The following MYO5B variants were observed in gnomAD, a reference collection of about 807,000 sequenced individuals.
The protein encoded by MYO5B is unconventional myosin-Vb.
In MYO5B, 143 loss-of-function variants were observed where a neutral mutation model predicts 229.3. That is an observed-to-expected ratio of 0.62 (90% CI 0.54 to 0.72). MYO5B has a LOEUF of 0.72. MYO5B is among the 30% of genes least tolerant of loss of function. MYO5B has a pLI of 0.00. For missense variants in MYO5B, 2,321 were observed against 2,331.0 expected (o/e 1.00, Z 0.09); for synonymous variants, 918 against 885.2 (o/e 1.04, Z -0.66).
intron 9 of MYO5B, among the ~76,000 whole-genome samples, chr18:49,979,749 T>C (rs1405666967): frequency 2.0e-5 from 3 of 152,202 alleles, no homozygotes; most frequent in Admixed American, 2.0e-4. Context: ...CAGTTGCAGA[T>C]TCACCTATCC....
intron 22 of MYO5B, among the ~76,000 whole-genome samples, chr18:49,886,838 C>T (rs1017592422): frequency 3.3e-5 from 5 of 152,114 alleles, no homozygotes; most frequent in Non-Finnish European, 7.3e-5. Context: ...TGACACAGGG[C>T]AAGGCTGTCA....
intron 22 of MYO5B, among the ~76,000 whole-genome samples, chr18:49,883,844 A>C (rs2024615256): frequency 6.6e-6 from 1 of 152,234 alleles, no homozygotes; most frequent in Non-Finnish European, 1.5e-5. Context: ...CAACCGTGCC[A>C]AAACAATTCA....
chr18:49,959,424 C>T (rs1448695851), intron 12 of MYO5B, among the ~76,000 whole-genome samples: 3 of 152,194 alleles, frequency 2.0e-5, no homozygotes, highest in Admixed American at 2.0e-4. Context: ...CCTTTGGGGC[C>T]ACTTCTTAAG....
At chr18:49,953,432 GAA>G in intron 13 of MYO5B, 89 bp from the exon 14 acceptor site, 1 of 1,161,708 alleles carries the variant, frequency 8.6e-7, no homozygotes, top group Non-Finnish European at 1.3e-6. Context: ...AGCATTTTCT[GAA>G]AAGAGCTGTG....
intron 1 of MYO5B, among the ~76,000 whole-genome samples, chr18:50,138,607 C>T (rs1010596635): frequency 2.0e-5 from 3 of 151,252 alleles, no homozygotes; most frequent in Non-Finnish European, 4.4e-5. Flanking sequence ...TCATGCTAAA[C>T]CACAGTGAAA....
chr18:50,182,210 G>A (rs2033082849), intron 1 of MYO5B, among the ~76,000 whole-genome samples: 1 of 152,174 alleles, frequency 6.6e-6, no homozygotes, highest in African/African-American at 2.4e-5. Context: ...CTAGGTGAGA[G>A]AAGAAAACAA....
At chr18:49,907,547 A>G (rs12457444) in intron 18 of MYO5B, among the ~76,000 whole-genome samples, 18,829 of 152,276 alleles carry the variant, frequency 0.12, 1,427 homozygotes, top group East Asian at 0.29. Context: ...ATCAACTGCC[A>G]TCTCATTTTG....
intron 9 of MYO5B, among the ~76,000 whole-genome samples, chr18:49,977,904 A>T (rs12455767): frequency 0.57 from 86,671 of 152,074 alleles, 27,426 homozygotes; most frequent in Admixed American, 0.7. Context: ...CACACTTTAC[A>T]GAAGAGGAAA....
At chr18:49,904,855 G>A in intron 19 of MYO5B, 27 bp from the exon 20 acceptor site, 1 of 1,611,634 alleles carries the variant, frequency 6.2e-7, no homozygotes. Context: ...AACAGGCAGT[G>A]TCAGGGAGAG....
chr18:50,194,184 T>A (rs1448992311), intron 1 of MYO5B, among the ~76,000 whole-genome samples: 1 of 152,108 alleles, frequency 6.6e-6, no homozygotes, highest in Non-Finnish European at 1.5e-5. Context: ...CCTCACTCCA[T>A]CCAGCCGCCG....
chr18:49,850,296 C>T (rs1402004561), intron 31 of MYO5B: 1 of 159,260 alleles, frequency 6.3e-6, no homozygotes, highest in Admixed American at 6.0e-5. Context: ...GAGCCCTGCT[C>T]CATCCACCAC....
At chr18:49,954,232 T>G in intron 13 of MYO5B, 81 bp downstream of exon 13, 1 of 1,586,864 alleles carries the variant, frequency 6.3e-7, no homozygotes, top group Non-Finnish European at 8.6e-7. Context: ...AAGGGACAGA[T>G]TTCTCTCTAG....
At chr18:50,136,250 C>T (rs557944240) in intron 1 of MYO5B, among the ~76,000 whole-genome samples, 10 of 152,238 alleles carry the variant, frequency 6.6e-5, no homozygotes, top group Admixed American at 3.9e-4. Context: ...ACTAGAGGAA[C>T]GCTTTCAACT....
chr18:49,909,381 G>C (rs541363548), intron 18 of MYO5B, among the ~76,000 whole-genome samples: 1 of 152,336 alleles, frequency 6.6e-6, no homozygotes, highest in South Asian at 2.1e-4. Flanking sequence ...TAGACAGCGG[G>C]AGTTAGAATC....
chr18:50,040,443 G>T, intron 2 of MYO5B, 129 bp from the exon 3 acceptor site: 1 of 1,032,490 alleles, frequency 9.7e-7, no homozygotes, highest in Non-Finnish European at 1.5e-6. Context: ...ATGTTTTAAA[G>T]AAAGACAAGC....
intron 1 of MYO5B, among the ~76,000 whole-genome samples, chr18:50,165,848 A>T (rs1055578670): frequency 3.3e-5 from 5 of 152,152 alleles, no homozygotes; most frequent in Non-Finnish European, 7.4e-5. Context: ...GAAAGATAAG[A>T]TAACCTGACT....
At chr18:50,051,680 A>G (rs79273694) in intron 2 of MYO5B, among the ~76,000 whole-genome samples, 4,122 of 152,310 alleles carry the variant, frequency 0.027, 74 homozygotes, top group Non-Finnish European at 0.042. Context: ...CTGGGGAGAA[A>G]AAGGTATAAG....
Position 50,172,072 on chromosome 18 carries a change from T to C in MYO5B, c.27+22695A>G, listed in dbSNP as rs112189895. ...TCATGTTCATTAGGGCAGAACTCCA[T>C]GAGTTTGAGACAAGCCTGCACAACA... On this transcript the variant is annotated intron_variant, in intron 1 of 39. Transcript: ENST00000285039. 3.5e-3 allele frequency among the ~76,000 whole-genome samples: 539 copies of C among 152,124 alleles called. 6 individuals are homozygous for C. The highest frequency in any genetic ancestry group is 0.012 in the African/African-American group (500 of 41,488).
At chr18:49,853,372 C>T in intron 31 of MYO5B, 77 bp downstream of exon 31, 1 of 1,523,382 alleles carries the variant, frequency 6.6e-7, no homozygotes, top group Non-Finnish European at 9.1e-7. Flanking sequence ...GTCAGTTTTG[C>T]CAAAGGCAAC....
Sources: gnomAD v4.1 joint callset for allele counts (sites outside exome capture counted in the v4.1 genomes callset) on GRCh38, gnomAD v4.1.1 for gene constraint, MANE v1.5 for transcripts, NCBI Gene and HGNC (gene_info 2026-07-23, HGNC 2026-07-21) for gene names.